EEF2K: variants seen among roughly 807,000 people sequenced by gnomAD.
The protein encoded by EEF2K is alternative protein EEF2K.
Under a neutral mutation model 93.8 loss-of-function variants are expected in EEF2K, and 70 were observed. The observed-to-expected ratio is 0.75, with a 90% confidence interval of 0.62 to 0.91. EEF2K has a LOEUF of 0.91. Ranked by LOEUF, EEF2K falls within the 40% of genes least tolerant of loss-of-function variation. The probability of loss-of-function intolerance (pLI) is 0.00; values close to 1 mark genes in which losing one functional copy is unlikely to be tolerated. For missense variants in EEF2K, 935 were observed against 972.9 expected (o/e 0.96, Z 0.52); for synonymous variants, 376 against 380.8 (o/e 0.99, Z 0.15).
intron 2 of EEF2K, 147 bp from the exon 3 acceptor site, chr16:22,244,483 T>G (rs1360082559): frequency 2.9e-6 from 2 of 689,186 alleles, no homozygotes; most frequent in Non-Finnish European, 2.4e-6. Flanking sequence ...GGGACTGTGT[T>G]CCTGAAAGGC....
At chr16:22,272,467 C>G (rs917761986) in intron 15 of EEF2K, among the ~76,000 whole-genome samples, 1 of 152,060 alleles carries the variant, frequency 6.6e-6, no homozygotes, top group Non-Finnish European at 1.5e-5. Flanking sequence ...TATGAAATGT[C>G]CAGATCCAGA....
intron 16 of EEF2K, among the ~76,000 whole-genome samples, chr16:22,277,736 G>A (rs1024362056): frequency 5.3e-5 from 8 of 152,174 alleles, no homozygotes; most frequent in African/African-American, 1.7e-4. Context: ...GAGATTGGAG[G>A]GATGATGAGT....
At chr16:22,261,804 A>G (rs1387161522) in intron 11 of EEF2K, among the ~76,000 whole-genome samples, 2 of 152,082 alleles carry the variant, frequency 1.3e-5, no homozygotes, top group Non-Finnish European at 2.9e-5. Flanking sequence ...CAGGAGTTTA[A>G]GACCAGTCTG....
At chr16:22,240,872 C>T (rs534695300) in intron 2 of EEF2K, among the ~76,000 whole-genome samples, 2 of 152,142 alleles carry the variant, frequency 1.3e-5, no homozygotes, top group South Asian at 2.1e-4. Context: ...TGGGTTCAAG[C>T]GATTCTCCTG....
At chr16:22,245,353 C>G (rs1361356162) in intron 3 of EEF2K, among the ~76,000 whole-genome samples, 1 of 152,112 alleles carries the variant, frequency 6.6e-6, no homozygotes, top group Non-Finnish European at 1.5e-5. Context: ...TAAGTAGACC[C>G]ACGCACTTCA....
Position 22,258,708 on chromosome 16 carries a change from T to C in EEF2K, c.1231+13T>C, listed in dbSNP as rs1001856850. On this transcript the variant is annotated intron_variant, in intron 10 of 17. Transcript: ENST00000263026. ...CTAGACCACCTCCGTGAGTGACGGT[T>C]CGGTCCCTAGTCACTGTGATTGGAG... 5.3e-5 allele frequency: 85 copies of C among 1,613,844 alleles called. No individual in the cohort carries two copies. Among genetic ancestry groups the C allele is most frequent in the Non-Finnish European group, 6.9e-5 (82 of 1,180,020 alleles).
intron 1 of EEF2K, among the ~76,000 whole-genome samples, chr16:22,221,151 T>A (rs992309442): frequency 6.6e-6 from 1 of 152,098 alleles, no homozygotes; most frequent in African/African-American, 2.4e-5. Flanking sequence ...AGGAAAAAGA[T>A]TAAACAGAAA....
chr16:22,207,589 A>G (rs2046875413), intron 1 of EEF2K, among the ~76,000 whole-genome samples: 1 of 152,168 alleles, frequency 6.6e-6, no homozygotes, highest in African/African-American at 2.4e-5. Flanking sequence ...ACACAGTGTC[A>G]TAGTCTATGG....
chr16:22,233,783 G>C (rs528336685), intron 2 of EEF2K, among the ~76,000 whole-genome samples: 16 of 152,290 alleles, frequency 1.1e-4, no homozygotes, highest in Admixed American at 2.0e-4. Context: ...AATTTCTTTT[G>C]AGATAGGGTT....
At chr16:22,264,454 G>A (rs1183789770) in intron 12 of EEF2K, among the ~76,000 whole-genome samples, 1 of 152,096 alleles carries the variant, frequency 6.6e-6, no homozygotes, top group Admixed American at 6.6e-5. Flanking sequence ...CTGGGCAACA[G>A]AGCAAGACCC....
chr16:22,235,941 G>A (rs1281065669), intron 2 of EEF2K, among the ~76,000 whole-genome samples: 1 of 152,090 alleles, frequency 6.6e-6, no homozygotes, highest in Non-Finnish European at 1.5e-5. Flanking sequence ...GGGACTAAAG[G>A]CATGCGCCAT....
intron 12 of EEF2K, among the ~76,000 whole-genome samples, chr16:22,264,059 C>T (rs566783021): frequency 3.8e-4 from 58 of 152,058 alleles, no homozygotes; most frequent in African/African-American, 1.2e-3. Flanking sequence ...TTTGGGAGGC[C>T]GGGGCAGGCA....
At chr16:22,249,917 G>A (rs772404254) in intron 4 of EEF2K, among the ~76,000 whole-genome samples, 1 of 151,932 alleles carries the variant, frequency 6.6e-6, no homozygotes, top group Non-Finnish European at 1.5e-5. Context: ...AAGTAGCTAG[G>A]ATTACAGGCA....
At chr16:22,259,805 T>C (rs2141675646) in intron 10 of EEF2K, among the ~76,000 whole-genome samples, 1 of 152,218 alleles carries the variant, frequency 6.6e-6, no homozygotes, top group East Asian at 1.9e-4. Flanking sequence ...CCGGCTGGAA[T>C]GCGGTGGCGT....
At chr16:22,279,336 C>T (rs1405375075) in intron 16 of EEF2K, among the ~76,000 whole-genome samples, 1 of 151,094 alleles carries the variant, frequency 6.6e-6, no homozygotes, top group African/African-American at 2.4e-5. Context: ...CTCCTGGGCT[C>T]AAGCTATCCT....
At chr16:22,210,746 G>C (rs995186304) in intron 1 of EEF2K, among the ~76,000 whole-genome samples, 5 of 152,166 alleles carry the variant, frequency 3.3e-5, no homozygotes, top group African/African-American at 1.2e-4. Flanking sequence ...GCTGAGACCT[G>C]AGGGATGAGC....
Position 22,242,105 on chromosome 16 carries a change from C to T in EEF2K, c.247-2525C>T, listed in dbSNP as rs374671611. ...GTTGCAGAGAGCTATGATCACACTA[C>T]CACCACGTAGCCTGGACAACAGAGA... On this transcript the variant is annotated intron_variant, in intron 2 of 17. Transcript: ENST00000263026. 3.3e-5 allele frequency among the ~76,000 whole-genome samples: 5 copies of T among 151,962 alleles called. No individual in the cohort carries two copies. In the East Asian group the frequency reaches 9.7e-4, roughly 29 times the overall value.
Position 22,266,495 on chromosome 16 carries a change from A to G in EEF2K, c.1546A>G (p.Lys516Glu), listed in dbSNP as rs754109381. Residue 516 changes from lysine (K) to glutamate (E), a missense_variant, in exon 14 of 18, where the codon AAG becomes GAG. Physicochemically the swap from Lys to Glu is moderately conservative, Grantham distance 56 (BLOSUM62 1). Coordinates refer to ENST00000263026, the MANE Select transcript of EEF2K (RefSeq NM_013302.5). ...AAGGCTTAATGCTCTGGACCTCGAA[A>G]AGAAAATCGGGAAGTCCATTTTGGG... ...VQRLNALDLE[K>E]KIGKSILGKV... 6 of 1,614,092 alleles carry G rather than the reference A, an allele frequency of 3.7e-6. No homozygotes were observed. The East Asian group carries it at 1.3e-4, about 36-fold the overall frequency.
At chr16:22,283,473 C>T (rs945837126) in intron 17 of EEF2K, among the ~76,000 whole-genome samples, 1 of 152,036 alleles carries the variant, frequency 6.6e-6, no homozygotes, top group Non-Finnish European at 1.5e-5. Context: ...GTTTGTAAGT[C>T]GTTATTTCTT....
Sources: gnomAD v4.1 joint callset for allele counts (sites outside exome capture counted in the v4.1 genomes callset) on GRCh38, gnomAD v4.1.1 for gene constraint, MANE v1.5 for transcripts, NCBI Gene and HGNC (gene_info 2026-07-23, HGNC 2026-07-21) for gene names.